OR51B5: variants seen among roughly 807,000 people sequenced by gnomAD.
The protein encoded by OR51B5 is olfactory receptor family 51 subfamily B member 5.
For synonymous variants in OR51B5, 186 were observed against 144.8 expected (o/e 1.28, Z -2.04); for missense variants, 456 against 374.6 (o/e 1.22, Z -1.79).
chr11:5,352,011 ATCCCAT>A (rs769473128), intron 1 of OR51B5: 11 of 1,613,656 alleles, frequency 6.8e-6, no homozygotes, highest in Non-Finnish European at 9.3e-6. Flanking sequence ...CCTACTGTCG[ATCCCAT>A]GTACTCTCCC....
chr11:5,396,432 A>C (rs1849873384), intron 1 of OR51B5, among the ~76,000 whole-genome samples: 1 of 152,226 alleles, frequency 6.6e-6, no homozygotes, highest in South Asian at 2.1e-4. Context: ...AATAACAGAC[A>C]AACAGTGAGT....
intron 1 of OR51B5, chr11:5,351,417 G>T: frequency 1.6e-6 from 1 of 641,456 alleles, no homozygotes; most frequent in South Asian, 2.2e-5. Flanking sequence ...AACATCTTAT[G>T]AACAGGTAGA....
At chr11:5,440,686 T>C in intron 1 of OR51B5, 3 of 1,613,906 alleles carry the variant, frequency 1.9e-6, no homozygotes, top group Non-Finnish European at 1.7e-6. Context: ...TTGGACATCA[T>C]GACATGAACA....
intron 1 of OR51B5, among the ~76,000 whole-genome samples, chr11:5,377,168 A>G (rs1180423277): frequency 6.6e-6 from 1 of 152,152 alleles, no homozygotes; most frequent in East Asian, 1.9e-4. Flanking sequence ...ATGCAAATCA[A>G]TAAATGTAAT....
intron 1 of OR51B5, among the ~76,000 whole-genome samples, chr11:5,399,328 A>G (rs1157636996): frequency 2.0e-5 from 3 of 152,174 alleles, no homozygotes; most frequent in Non-Finnish European, 4.4e-5. Flanking sequence ...GCTGACTGTG[A>G]TTGACTCCTG....
At chr11:5,448,474 G>A (rs151142431) in intron 1 of OR51B5, among the ~76,000 whole-genome samples, 310 of 152,244 alleles carry the variant, frequency 2.0e-3, no homozygotes, top group Admixed American at 5.0e-3. Context: ...GAGATGGCAC[G>A]GTGTTGTCTT....
Position 5,343,132 on chromosome 11 carries a change from GGT to G in OR51B5, c.391_392del (p.Thr131LeufsTer5), listed in dbSNP as rs1564912000. 1 of 1,613,630 alleles carries G rather than the reference GGT, an allele frequency of 6.2e-7. No individual in the cohort carries two copies. Among genetic ancestry groups the G allele is most frequent in the East Asian group, 2.2e-5 (1 of 44,858 alleles). ...CTACTCGAGTATTAGTAAGTACAGA[GGT>G]ATATCTAAGAGGGTTGCAGATGGCA... is the stretch of plus-strand genomic sequence containing the variant. On this transcript the variant is annotated frameshift_variant, in exon 1 of 1. Transcript: ENST00000300773. LOFTEE classifies it low-confidence loss of function (END_TRUNC).
chr11:5,480,177 C>A (rs1315436414), intron 1 of OR51B5, among the ~76,000 whole-genome samples: 2 of 150,538 alleles, frequency 1.3e-5, no homozygotes, highest in African/African-American at 4.9e-5. Context: ...ACAGTGCAAT[C>A]AAACTAGAAC....
At chr11:5,447,274 G>C (rs963827426) in intron 1 of OR51B5, among the ~76,000 whole-genome samples, 1 of 152,134 alleles carries the variant, frequency 6.6e-6, no homozygotes, top group South Asian at 2.1e-4. Flanking sequence ...GATACAGCTG[G>C]TTGGGAAGCA....
intron 1 of OR51B5, among the ~76,000 whole-genome samples, chr11:5,416,531 T>G (rs910755114): frequency 1.3e-5 from 2 of 151,572 alleles, no homozygotes; most frequent in African/African-American, 4.8e-5. Context: ...GAAAACCCCA[T>G]TGTCTCAGCC....
chr11:5,448,380 T>C (rs940219569), intron 1 of OR51B5, among the ~76,000 whole-genome samples: 2 of 152,152 alleles, frequency 1.3e-5, no homozygotes, highest in Admixed American at 6.6e-5. Context: ...GATAGCAACA[T>C]TTAAGGAGAG....
intron 1 of OR51B5, among the ~76,000 whole-genome samples, chr11:5,359,229 T>C (rs1176837594): frequency 1.3e-5 from 2 of 149,244 alleles, no homozygotes; most frequent in African/African-American, 2.5e-5. Flanking sequence ...GACACGATTG[T>C]ATATCTAGAA....
intron 1 of OR51B5, among the ~76,000 whole-genome samples, chr11:5,474,946 G>C (rs1851282840): frequency 6.6e-6 from 1 of 152,180 alleles, no homozygotes; most frequent in Non-Finnish European, 1.5e-5. Flanking sequence ...TGGAAAATTA[G>C]TTTAATTGAG....
chr11:5,429,036 T>G (rs1850492135), intron 1 of OR51B5, among the ~76,000 whole-genome samples: 1 of 152,196 alleles, frequency 6.6e-6, no homozygotes, highest in Non-Finnish European at 1.5e-5. Context: ...TGAGATGTTT[T>G]TCAGACTGAC....
Position 5,447,437 on chromosome 11 carries a change from G to A in OR51B5, n.84+58132C>T, listed in dbSNP as rs569489457. Reference sequence around the variant, plus strand: ...CCACCTTTGGCTTTCCAGTCTATAGGTGGTAGTAGCTTCCTGCTGTTACAA... The same window carrying A: ...CCACCTTTGGCTTTCCAGTCTATAGATGGTAGTAGCTTCCTGCTGTTACAA... On this transcript the variant is annotated intron_variant and non_coding_transcript_variant, in intron 1 of 4. Transcript: ENST00000415970. Among the ~76,000 whole-genome samples, 36 of 152,270 alleles carry A rather than the reference G, an allele frequency of 2.4e-4. 1 individual carries two copies. The highest frequency in any genetic ancestry group is 8.3e-4 in the South Asian group (4 of 4,826).
At chr11:5,353,638 T>C (rs2133690162) in intron 1 of OR51B5, among the ~76,000 whole-genome samples, 1 of 152,304 alleles carries the variant, frequency 6.6e-6, no homozygotes, top group South Asian at 2.1e-4. Context: ...ATGACTCAAA[T>C]GATAAGTTTT....
intron 1 of OR51B5, among the ~76,000 whole-genome samples, chr11:5,380,650 G>C (rs185845342): frequency 6.6e-6 from 1 of 152,304 alleles, no homozygotes; most frequent in East Asian, 1.9e-4. Context: ...ATTTGTGTGA[G>C]ATTACCATCT....
intron 1 of OR51B5, among the ~76,000 whole-genome samples, chr11:5,464,310 T>G (rs1463737524): frequency 6.6e-6 from 1 of 152,222 alleles, no homozygotes; most frequent in South Asian, 2.1e-4. Flanking sequence ...AATTATACTT[T>G]AAGTTTTAGG....
At chr11:5,440,574 G>C in intron 1 of OR51B5, 1 of 1,611,338 alleles carries the variant, frequency 6.2e-7, no homozygotes, top group Non-Finnish European at 8.5e-7. Context: ...CCTTCCTCAG[G>C]CCTGGGATTT....
Sources: gnomAD v4.1 joint callset for allele counts (sites outside exome capture counted in the v4.1 genomes callset) on GRCh38, gnomAD v4.1.1 for gene constraint, MANE v1.5 for transcripts, NCBI Gene and HGNC (gene_info 2026-07-23, HGNC 2026-07-21) for gene names.